FSIP1: variants seen among roughly 807,000 people sequenced by gnomAD.
FSIP1 encodes fibrous sheath-interacting protein 1.
A neutral mutation model predicts 60.9 loss-of-function variants in FSIP1; 65 were observed. That is an observed-to-expected ratio of 1.07 (90% CI 0.87 to 1.31). The LOEUF (loss-of-function observed/expected upper bound fraction) is 1.31, where lower values mean the gene tolerates loss of function less well. Among genes scored for constraint, FSIP1 ranks in the 40% most tolerant of loss-of-function variants. FSIP1 has a pLI of 0.00. For missense variants in FSIP1, 675 were observed against 665.5 expected (o/e 1.01, Z -0.16); for synonymous variants, 209 against 221.2 (o/e 0.94, Z 0.49).
At chr15:39,769,184 C>A (rs1309153447) in intron 3 of FSIP1, among the ~76,000 whole-genome samples, 1 of 150,774 alleles carries the variant, frequency 6.6e-6, no homozygotes, top group Admixed American at 6.6e-5. Context: ...GAGGCTGAGG[C>A]AGGAGAATGG....
intron 10 of FSIP1, among the ~76,000 whole-genome samples, chr15:39,699,900 T>G (rs1256386079): frequency 6.6e-6 from 1 of 152,160 alleles, no homozygotes; most frequent in Non-Finnish European, 1.5e-5. Context: ...TCACAAGTAT[T>G]AAGGCCTACA....
Position 39,765,741 on chromosome 15 carries a change from G to T in FSIP1, c.316C>A (p.Pro106Thr), listed in dbSNP as rs765408106. ...HQIISECSDE[P>T]KLKELDSQLQ... ...TGAGAATCTAATTCTTTTAATTTGG[G>T]TTCATCTATATTGTGTTGAAAGTAA... Residue 106 changes from proline to threonine, a missense_variant, in exon 4 of 12, where the codon CCC (proline) becomes ACC (threonine). Transcript: ENST00000350221. The T allele has an allele frequency of 6.6e-7, 1 of 1,507,020 alleles. No individual in the cohort carries two copies. Among genetic ancestry groups the T allele is most frequent in the South Asian group, 1.2e-5 (1 of 83,022 alleles). The allele number at this position is 1,507,020 out of a possible 1,614,324, so 93.4% of individuals were successfully genotyped here.
intron 10 of FSIP1, among the ~76,000 whole-genome samples, chr15:39,628,252 G>A (rs758386595): frequency 6.6e-6 from 1 of 152,222 alleles, no homozygotes; most frequent in Non-Finnish European, 1.5e-5. Context: ...AGCACCACTA[G>A]AGGGAGAATA....
intron 3 of FSIP1, among the ~76,000 whole-genome samples, chr15:39,769,290 A>AG (rs1897801854): frequency 6.6e-6 from 1 of 152,074 alleles, no homozygotes; most frequent in Admixed American, 6.6e-5. Context: ...AAAAAAAAAA[A>AG]AAAAGAAAAG....
chr15:39,687,136 CCTTTTTTTTTTTTTT>C (rs1249623160), intron 10 of FSIP1, among the ~76,000 whole-genome samples: 2 of 47,732 alleles, frequency 4.2e-5, no homozygotes, highest in Non-Finnish European at 7.5e-5. Flanking sequence ...CTTTTCTTTT[CCTTTTTTTTTTTTTT>C]TTTTTTTTTT....
chr15:39,725,213 G>A (rs116940691), intron 9 of FSIP1, among the ~76,000 whole-genome samples: 17,966 of 152,166 alleles, frequency 0.12, 1,286 homozygotes, highest in African/African-American at 0.19. Flanking sequence ...CCTGGTGACA[G>A]AGCGAGATTC....
At chr15:39,660,168 C>G (rs1486247828) in intron 10 of FSIP1, among the ~76,000 whole-genome samples, 2 of 152,198 alleles carry the variant, frequency 1.3e-5, no homozygotes, top group Non-Finnish European at 2.9e-5. Context: ...ACGTAGCACA[C>G]TGTTGCCCGT....
At chr15:39,745,134 A>G (rs1282217267) in intron 5 of FSIP1, among the ~76,000 whole-genome samples, 2 of 128,536 alleles carry the variant, frequency 1.6e-5, no homozygotes, top group South Asian at 2.9e-4. Flanking sequence ...GATGCTACAC[A>G]AGCGTCCTCC....
intron 6 of FSIP1, 150 bp from the exon 7 acceptor site, chr15:39,739,939 A>C: frequency 2.0e-6 from 1 of 491,066 alleles, no homozygotes; most frequent in Non-Finnish European, 3.5e-6. Flanking sequence ...CTAATATATA[A>C]TGGAGATCTA....
Position 39,744,060 on chromosome 15 carries a change from T to TC in FSIP1, c.560-2161dup, listed in dbSNP as rs1197804925. Among the ~76,000 whole-genome samples the TC allele has an allele frequency of 1.2e-4, 19 of 152,214 alleles. 1 individual carries two copies. The highest frequency in any genetic ancestry group is 6.5e-5 in the Admixed American group (1 of 15,284). On this transcript the variant is annotated intron_variant, in intron 5 of 11. Transcript: ENST00000350221. ...TATAGATAATTGCAAAATAATCATT[T>TC]CCTGATTTATATGTATAATCGTGCA... is the stretch of plus-strand genomic sequence containing the variant.
intron 10 of FSIP1, among the ~76,000 whole-genome samples, chr15:39,630,357 TA>T (rs139989813): frequency 0.022 from 3,357 of 152,318 alleles, 120 homozygotes; most frequent in African/African-American, 0.076. Context: ...AGAATCTAAA[TA>T]GCTTGATGCA....
chr15:39,681,105 G>A (rs1377313845), intron 10 of FSIP1, among the ~76,000 whole-genome samples: 1 of 151,922 alleles, frequency 6.6e-6, no homozygotes, highest in Non-Finnish European at 1.5e-5. Flanking sequence ...GATTTAACTG[G>A]CATATCTTCA....
chr15:39,714,581 A>T (rs1282671299), intron 9 of FSIP1, among the ~76,000 whole-genome samples: 1 of 151,302 alleles, frequency 6.6e-6, no homozygotes, highest in African/African-American at 2.4e-5. Context: ...ATCATTCACC[A>T]GCAGTTTTTA....
chr15:39,651,301 C>T (rs1269614306), intron 10 of FSIP1, among the ~76,000 whole-genome samples: 2 of 152,178 alleles, frequency 1.3e-5, no homozygotes, highest in Non-Finnish European at 1.5e-5. Context: ...TGATGAATGT[C>T]AAAACAATCT....
intron 10 of FSIP1, among the ~76,000 whole-genome samples, chr15:39,651,510 A>G (rs1448619479): frequency 6.6e-6 from 1 of 152,220 alleles, no homozygotes; most frequent in African/African-American, 2.4e-5. Context: ...GACTTTGGGC[A>G]AGTTACTTCT....
intron 8 of FSIP1, among the ~76,000 whole-genome samples, chr15:39,730,549 T>C (rs1379415949): frequency 6.6e-6 from 1 of 152,202 alleles, no homozygotes; most frequent in Non-Finnish European, 1.5e-5. Context: ...AGAGGCATTA[T>C]AGGTAAAAAC....
At chr15:39,782,566 C>G (rs918665366) in intron 1 of FSIP1, 62 bp downstream of exon 1, 7 of 152,726 alleles carry the variant, frequency 4.6e-5, no homozygotes, top group African/African-American at 1.7e-4. Context: ...AGCTCCGCCC[C>G]GCCCACTCCT....
chr15:39,687,040 A>C (rs1450626509), intron 10 of FSIP1, among the ~76,000 whole-genome samples: 1 of 150,318 alleles, frequency 6.7e-6, no homozygotes, highest in Non-Finnish European at 1.5e-5. Context: ...TTTTCTCTCC[A>C]ATCTGTGTCC....
At chr15:39,628,256 G>A (rs1337771118) in intron 10 of FSIP1, among the ~76,000 whole-genome samples, 4 of 152,228 alleles carry the variant, frequency 2.6e-5, no homozygotes, top group Non-Finnish European at 5.9e-5. Flanking sequence ...CCACTAGAGG[G>A]AGAATATGAA....
Sources: gnomAD v4.1 joint callset for allele counts (sites outside exome capture counted in the v4.1 genomes callset) on GRCh38, gnomAD v4.1.1 for gene constraint, MANE v1.5 for transcripts, NCBI Gene and HGNC (gene_info 2026-07-23, HGNC 2026-07-21) for gene names.